Variants in UBE2E2 observed in about 807,000 individuals in gnomAD.
The protein encoded by UBE2E2 is ubiquitin-conjugating enzyme E2 E2.
Under a neutral mutation model 24.7 loss-of-function variants are expected in UBE2E2, and 6 were observed. The observed-to-expected ratio is 0.24, with a 90% CI of 0.13 to 0.48. UBE2E2 has a LOEUF of 0.48. Among genes scored for constraint, UBE2E2 ranks in the 20% least tolerant of loss-of-function variants. UBE2E2 has a pLI of 0.99. For synonymous variants in UBE2E2, 104 were observed against 83.6 expected, an observed-to-expected ratio of 1.24 and a Z score of -1.33; for missense variants, 169 against 245.0, an observed-to-expected ratio of 0.69 and a Z score of 2.07.
intron 2 of UBE2E2, among the ~76,000 whole-genome samples, chr3:23,210,685 G>T (rs776486973): frequency 2.0e-5 from 3 of 152,168 alleles, no homozygotes; most frequent in Non-Finnish European, 2.9e-5. Context: ...AGAGCGCAGC[G>T]CAGTGCCTGA....
rs191720635 is a variant in UBE2E2, at chr3:23,499,781, A to G, written c.360+41A>G. 1.9e-5 allele frequency: 30 copies of G among 1,600,250 alleles called. No individual in the cohort carries two copies. The Admixed American group carries it at 4.5e-4, about 24-fold the overall frequency. On this transcript the variant is annotated intron_variant, in intron 4 of 5. Coordinates refer to ENST00000396703, the MANE Select transcript of UBE2E2 (RefSeq NM_152653.4). ...TCATTGATTTTTAGCAATATGGATTATATTTCTAGATACATATACTTATTC... is the reference window on the plus strand; with the variant it reads ...TCATTGATTTTTAGCAATATGGATTGTATTTCTAGATACATATACTTATTC...
chr3:23,362,819 G>T (rs559349261), intron 3 of UBE2E2, among the ~76,000 whole-genome samples: 1 of 152,254 alleles, frequency 6.6e-6, no homozygotes, highest in East Asian at 1.9e-4. Flanking sequence ...AGAACTTCTG[G>T]CAAACAGTCC....
intron 3 of UBE2E2, among the ~76,000 whole-genome samples, chr3:23,421,516 C>G (rs559909704): frequency 6.6e-6 from 1 of 152,350 alleles, no homozygotes; most frequent in Non-Finnish European, 1.5e-5. Context: ...AAACAATTCT[C>G]CTGTCCCAGC....
At chr3:23,390,284 G>A (rs1361861795) in intron 3 of UBE2E2, among the ~76,000 whole-genome samples, 1 of 152,064 alleles carries the variant, frequency 6.6e-6, no homozygotes, top group Non-Finnish European at 1.5e-5. Flanking sequence ...CACTTATCCT[G>A]TACCCATATT....
At chr3:23,569,524 A>G (rs918790260) in intron 5 of UBE2E2, among the ~76,000 whole-genome samples, 9 of 152,324 alleles carry the variant, frequency 5.9e-5, no homozygotes, top group Admixed American at 5.2e-4. Flanking sequence ...CTAGCTTCCA[A>G]TATCTTGGCA....
rs144071047 is a variant in UBE2E2, at chr3:23,482,545, C to T, written c.228-17063C>T. On this transcript the variant is annotated intron_variant, in intron 3 of 5. Transcript: ENST00000396703. The stretch of plus-strand genomic sequence containing the variant: ...GTCATGCTGCCCACGCTGTTCTTGA[C>T]TCCCTTTGACCGAAAACCCATCTGT... Among the ~76,000 whole-genome samples, 52 of 152,240 alleles carry T rather than the reference C, an allele frequency of 3.4e-4. No homozygotes were observed. In the East Asian group the frequency reaches 9.5e-3, roughly 28 times the overall value.
At chr3:23,555,082 A>T (rs1294497567) in intron 5 of UBE2E2, among the ~76,000 whole-genome samples, 1 of 151,846 alleles carries the variant, frequency 6.6e-6, no homozygotes, top group Admixed American at 6.6e-5. Context: ...CGCCCGTCTA[A>T]TTTTTTGTAT....
At chr3:23,559,424 A>G (rs983991559) in intron 5 of UBE2E2, among the ~76,000 whole-genome samples, 1 of 152,138 alleles carries the variant, frequency 6.6e-6, no homozygotes, top group African/African-American at 2.4e-5. Flanking sequence ...GCCCTTCTCT[A>G]TCAGAAAGAC....
intron 3 of UBE2E2, among the ~76,000 whole-genome samples, chr3:23,281,983 T>A (rs1219618529): frequency 6.6e-6 from 1 of 152,230 alleles, no homozygotes; most frequent in African/African-American, 2.4e-5. Flanking sequence ...AAAATCATCC[T>A]AAAAGATTGG....
At chr3:23,501,047 G>A (rs1699709764) in intron 4 of UBE2E2, among the ~76,000 whole-genome samples, 1 of 152,042 alleles carries the variant, frequency 6.6e-6, no homozygotes, top group Non-Finnish European at 1.5e-5. Context: ...TACTGGATGG[G>A]ACCCTTATAC....
chr3:23,425,656 C>T (rs1202325799), intron 3 of UBE2E2, among the ~76,000 whole-genome samples: 1 of 152,136 alleles, frequency 6.6e-6, no homozygotes, highest in Non-Finnish European at 1.5e-5. Flanking sequence ...AAAACCTGAA[C>T]TGCAATTGAT....
chr3:23,317,028 G>A (rs144218386), intron 3 of UBE2E2, among the ~76,000 whole-genome samples: 7 of 152,276 alleles, frequency 4.6e-5, no homozygotes, highest in African/African-American at 7.2e-5. Flanking sequence ...TCAAGAAGAA[G>A]GAAAGGGCCA....
chr3:23,549,283 C>T (rs1695588771), intron 5 of UBE2E2, among the ~76,000 whole-genome samples: 1 of 152,208 alleles, frequency 6.6e-6, no homozygotes, highest in African/African-American at 2.4e-5. Context: ...TTGCTCTAAG[C>T]TGTTGCCCTG....
intron 5 of UBE2E2, among the ~76,000 whole-genome samples, chr3:23,542,266 T>C (rs1695412039): frequency 6.6e-6 from 1 of 152,184 alleles, no homozygotes; most frequent in African/African-American, 2.4e-5. Flanking sequence ...TGGTTCTGTA[T>C]CTGCGGGTAA....
intron 3 of UBE2E2, among the ~76,000 whole-genome samples, chr3:23,398,751 G>T (rs1697141808): frequency 6.6e-6 from 1 of 152,134 alleles, no homozygotes; most frequent in Non-Finnish European, 1.5e-5. Flanking sequence ...GGAAGACAGG[G>T]TTTTATAGCA....
intron 3 of UBE2E2, among the ~76,000 whole-genome samples, chr3:23,401,046 T>C (rs75709953): frequency 0.073 from 11,093 of 152,286 alleles, 527 homozygotes; most frequent in Non-Finnish European, 0.088. Context: ...TTTAGAATGG[T>C]TGACTAGGGA....
At chr3:23,297,453 T>A (rs1476838781) in intron 3 of UBE2E2, among the ~76,000 whole-genome samples, 4 of 152,212 alleles carry the variant, frequency 2.6e-5, no homozygotes, top group Non-Finnish European at 5.9e-5. Flanking sequence ...GTCTAACGTT[T>A]AAGTCTTTAA....
intron 3 of UBE2E2, among the ~76,000 whole-genome samples, chr3:23,429,874 AC>A (rs944419341): frequency 5.3e-5 from 8 of 152,182 alleles, no homozygotes; most frequent in African/African-American, 1.9e-4. Context: ...TATACCAGCA[AC>A]AAAAAAGCAG....
intron 3 of UBE2E2, among the ~76,000 whole-genome samples, chr3:23,270,349 G>A (rs1180838473): frequency 6.6e-6 from 1 of 151,936 alleles, no homozygotes; most frequent in Non-Finnish European, 1.5e-5. Flanking sequence ...TGTATTTTGT[G>A]CACAAAGGGC....
Sources: allele counts gnomAD v4.1 joint callset (sites outside exome capture counted in the v4.1 genomes callset), GRCh38; gene constraint gnomAD v4.1.1; transcripts MANE v1.5; gene names NCBI Gene and HGNC (gene_info 2026-07-23, HGNC 2026-07-21).